Variants in B3GALT1 observed in about 807,000 individuals in gnomAD.
B3GALT1 encodes the protein beta-1,3-galactosyltransferase 1.
B3GALT1 carries 10 observed loss-of-function variants against 23.2 expected under a neutral mutation model. The ratio of observed to expected loss-of-function variants is 0.43; its 90% confidence interval spans 0.27 to 0.73. The LOEUF (loss-of-function observed/expected upper bound fraction) is 0.73. B3GALT1 is among the 30% of genes least tolerant of loss of function. B3GALT1 has a pLI of 0.21. For missense variants in B3GALT1, 299 were observed against 405.4 expected, an observed-to-expected ratio of 0.74 and a Z score of 2.25; for synonymous variants, 156 against 141.5, an observed-to-expected ratio of 1.10 and a Z score of -0.73.
chr2:167,822,371 A>G (rs79935215), intron 4 of B3GALT1, among the ~76,000 whole-genome samples: 2,615 of 152,224 alleles, frequency 0.017, 75 homozygotes, highest in African/African-American at 0.06. Flanking sequence ...CCTTTGTTCC[A>G]CCTCATCCTG....
intron 4 of B3GALT1, among the ~76,000 whole-genome samples, chr2:167,820,252 A>G (rs1013504723): frequency 5.9e-5 from 9 of 152,266 alleles, no homozygotes; most frequent in Admixed American, 1.3e-4. Context: ...ACAAATTGCA[A>G]TAAGCACTAT....
chr2:167,773,236 G>C (rs947613170), intron 3 of B3GALT1, among the ~76,000 whole-genome samples: 1 of 152,014 alleles, frequency 6.6e-6, no homozygotes, highest in East Asian at 1.9e-4. Flanking sequence ...AGCAATCTTT[G>C]ATATTATATG....
chr2:167,813,000 C>A (rs1450953498), intron 3 of B3GALT1, among the ~76,000 whole-genome samples: 4 of 127,338 alleles, frequency 3.1e-5, no homozygotes, highest in Admixed American at 1.6e-4. Flanking sequence ...ACCCCCACCC[C>A]CCCCCACACA....
intron 3 of B3GALT1, among the ~76,000 whole-genome samples, chr2:167,775,051 T>C (rs1034309308): frequency 6.6e-6 from 1 of 152,202 alleles, no homozygotes. Context: ...TGGAAAGTCA[T>C]TAAAATGTTT....
chr2:167,790,446 C>T (rs1357168734), intron 3 of B3GALT1, among the ~76,000 whole-genome samples: 4 of 152,210 alleles, frequency 2.6e-5, no homozygotes, highest in Admixed American at 2.6e-4. Context: ...GTTTCCTATT[C>T]TTCTGTGACT....
chr2:167,394,825 G>A (rs1698071066), intron 1 of B3GALT1, among the ~76,000 whole-genome samples: 1 of 152,182 alleles, frequency 6.6e-6, no homozygotes, highest in Admixed American at 6.5e-5. Flanking sequence ...CCAGTTGGAA[G>A]TGAAATTACT....
intron 1 of B3GALT1, among the ~76,000 whole-genome samples, chr2:167,301,970 C>A (rs1397285184): frequency 6.6e-6 from 1 of 152,136 alleles, no homozygotes; most frequent in Non-Finnish European, 1.5e-5. Flanking sequence ...CTTAAAAATA[C>A]TCTTTGTTTC....
chr2:167,824,747 T>C (rs1417484018), intron 4 of B3GALT1, among the ~76,000 whole-genome samples: 1 of 152,176 alleles, frequency 6.6e-6, no homozygotes, highest in South Asian at 2.1e-4. Context: ...GCCAGAGCTG[T>C]TAGGAATGGC....
intron 2 of B3GALT1, among the ~76,000 whole-genome samples, chr2:167,596,709 A>AT (rs1684779826): frequency 2.0e-5 from 3 of 152,200 alleles, no homozygotes; most frequent in African/African-American, 7.2e-5. Flanking sequence ...TAAATAATAA[A>AT]GCATGCATTA....
intron 2 of B3GALT1, among the ~76,000 whole-genome samples, chr2:167,622,334 A>G (rs1044092076): frequency 1.3e-5 from 2 of 152,062 alleles, no homozygotes; most frequent in East Asian, 3.9e-4. Context: ...ACGTGGAAAA[A>G]ATACGTCTCT....
intron 3 of B3GALT1, among the ~76,000 whole-genome samples, chr2:167,703,366 G>A (rs926220323): frequency 1.3e-5 from 2 of 152,130 alleles, no homozygotes; most frequent in Non-Finnish European, 2.9e-5. Flanking sequence ...TAGGGGCACC[G>A]ACTTCCATGA....
intron 1 of B3GALT1, among the ~76,000 whole-genome samples, chr2:167,325,862 C>T (rs1032108915): frequency 2.6e-5 from 4 of 151,834 alleles, no homozygotes; most frequent in African/African-American, 4.8e-5. Context: ...GGCTTACAGA[C>T]GTTTGCCACC....
intron 1 of B3GALT1, among the ~76,000 whole-genome samples, chr2:167,342,168 T>C (rs1233910352): frequency 6.6e-6 from 1 of 152,028 alleles, no homozygotes; most frequent in African/African-American, 2.4e-5. Flanking sequence ...TAAGGCTCCA[T>C]GGGGAAATAG....
chr2:167,719,035 C>T (rs961050247), intron 3 of B3GALT1, among the ~76,000 whole-genome samples: 19 of 152,132 alleles, frequency 1.2e-4, no homozygotes, highest in Non-Finnish European at 2.1e-4. Context: ...ATTCATGCAA[C>T]ATCATCTCAG....
intron 1 of B3GALT1, among the ~76,000 whole-genome samples, chr2:167,480,719 G>A (rs1209342975): frequency 4.6e-5 from 7 of 152,266 alleles, no homozygotes; most frequent in Admixed American, 1.3e-4. Context: ...TTTGTTGAAG[G>A]CAATCAGCAA....
chr2:167,400,549 A>G (rs947790289), intron 1 of B3GALT1, among the ~76,000 whole-genome samples: 2 of 152,108 alleles, frequency 1.3e-5, no homozygotes, highest in African/African-American at 2.4e-5. Flanking sequence ...AATAGGGAGT[A>G]CTATGGGTTC....
rs181193034 is a variant in B3GALT1, at chr2:167,714,427, T to G, written c.-352+67461T>G. ...CTCCCCCTGGAAGCACAGGTGAGAG[T>G]CTGAGTGGATCCTCCAACAAAGTTT... On this transcript the variant is annotated intron_variant, in intron 3 of 4. Coordinates refer to ENST00000392690, the MANE Select transcript of B3GALT1 (RefSeq NM_020981.4). 3.2e-6 allele frequency: 5 copies of G among 1,569,536 alleles called. No individual in the cohort carries two copies. The African/African-American group carries it at 6.8e-5, about 21-fold the overall frequency.
rs72875012 is a variant in B3GALT1, at chr2:167,617,923, C to G, written c.-409-28986C>G. 7.1e-3 allele frequency among the ~76,000 whole-genome samples: 1,085 copies of G among 152,114 alleles called. 3 individuals carry two copies. The highest frequency in any genetic ancestry group is 0.037 in the Middle Eastern group (11 of 294). ...TAATTAAAAGGAATGTTATAATGGGCTTCTCTTCATTTATTGTTTTGTCAG... is the reference window on the plus strand; with the variant it reads ...TAATTAAAAGGAATGTTATAATGGGGTTCTCTTCATTTATTGTTTTGTCAG... On this transcript the variant is annotated intron_variant, in intron 2 of 4. Coordinates refer to ENST00000392690, the MANE Select transcript of B3GALT1 (RefSeq NM_020981.4).
intron 1 of B3GALT1, among the ~76,000 whole-genome samples, chr2:167,448,257 C>T (rs1299575543): frequency 6.6e-6 from 1 of 152,042 alleles, no homozygotes; most frequent in Non-Finnish European, 1.5e-5. Context: ...AAAAGTGTTT[C>T]CTTTTCACCA....
Sources: gnomAD v4.1 joint callset for allele counts (sites outside exome capture counted in the v4.1 genomes callset) on GRCh38, gnomAD v4.1.1 for gene constraint, MANE v1.5 for transcripts, NCBI Gene and HGNC (gene_info 2026-07-23, HGNC 2026-07-21) for gene names.